The following PRKN variants were observed in gnomAD, a reference collection of about 807,000 sequenced individuals.
PRKN encodes the protein parkin RBR E3 ubiquitin protein ligase.
A neutral mutation model predicts 59.5 loss-of-function variants in PRKN; 56 were observed. The ratio of observed to expected loss-of-function variants is 0.94; its 90% confidence interval spans 0.76 to 1.18. The LOEUF (loss-of-function observed/expected upper bound fraction) is 1.18, where lower values mean the gene tolerates loss of function less well. PRKN is among the 50% of genes most tolerant of loss of function. The pLI is 0.00. For synonymous variants in PRKN, 250 were observed against 222.1 expected, an observed-to-expected ratio of 1.13 and a Z score of -1.12; for missense variants, 657 against 596.4, an observed-to-expected ratio of 1.10 and a Z score of -1.06.
At chr6:162,619,816 T>C (rs1782586729) in intron 1 of PRKN, among the ~76,000 whole-genome samples, 1 of 152,182 alleles carries the variant, frequency 6.6e-6, no homozygotes, top group South Asian at 2.1e-4. Flanking sequence ...CTTTTTTCAC[T>C]AAGCAATGTA....
chr6:162,380,658 A>T (rs1024280483), intron 2 of PRKN, among the ~76,000 whole-genome samples: 1 of 151,532 alleles, frequency 6.6e-6, no homozygotes, highest in African/African-American at 2.4e-5. Flanking sequence ...ACTCATTCAG[A>T]TTCTATCATT....
At chr6:161,718,313 A>T (rs543465670) in intron 7 of PRKN, among the ~76,000 whole-genome samples, 21 of 152,256 alleles carry the variant, frequency 1.4e-4, no homozygotes, top group Non-Finnish European at 2.1e-4. Flanking sequence ...CTGCAGGAAG[A>T]CTGAGATGGG....
At chr6:161,716,659 G>A (rs896070861) in intron 7 of PRKN, among the ~76,000 whole-genome samples, 6 of 152,228 alleles carry the variant, frequency 3.9e-5, no homozygotes, top group African/African-American at 1.4e-4. Flanking sequence ...TATTTTCACT[G>A]AGGTTGGGCA....
chr6:162,091,864 C>T (rs945738489), intron 4 of PRKN, among the ~76,000 whole-genome samples: 2 of 151,702 alleles, frequency 1.3e-5, no homozygotes, highest in African/African-American at 4.8e-5. Flanking sequence ...AAGTGAGAGC[C>T]GATTCTACAA....
chr6:162,332,596 C>T (rs560460655), intron 2 of PRKN, among the ~76,000 whole-genome samples: 10 of 152,126 alleles, frequency 6.6e-5, no homozygotes, highest in African/African-American at 2.4e-4. Flanking sequence ...TACTTTATAT[C>T]CATCTGTTGG....
chr6:162,671,497 C>CAAA (rs5881490), intron 1 of PRKN, among the ~76,000 whole-genome samples: 2 of 111,666 alleles, frequency 1.8e-5, no homozygotes, highest in African/African-American at 6.7e-5. Context: ...GACTCTGTCT[C>CAAA]AAAAAAAAAA....
chr6:161,691,683 C>A (rs1177056323), intron 7 of PRKN, among the ~76,000 whole-genome samples: 1 of 151,952 alleles, frequency 6.6e-6, no homozygotes, highest in African/African-American at 2.4e-5. Context: ...GTAAGATCAC[C>A]AACAAAAAGC....
chr6:161,887,720 G>A (rs943951967), intron 6 of PRKN, among the ~76,000 whole-genome samples: 7 of 152,148 alleles, frequency 4.6e-5, no homozygotes, highest in African/African-American at 9.7e-5. Context: ...AGTGCTACTT[G>A]GACTTGTGTA....
chr6:162,140,497 A>C (rs913478436), intron 4 of PRKN, among the ~76,000 whole-genome samples: 1 of 152,062 alleles, frequency 6.6e-6, no homozygotes, highest in Non-Finnish European at 1.5e-5. Flanking sequence ...TGAGGGAGAG[A>C]ATGTGTGTGT....
chr6:161,766,424 C>T (rs1478381977), intron 7 of PRKN, among the ~76,000 whole-genome samples: 1 of 151,352 alleles, frequency 6.6e-6, no homozygotes, highest in East Asian at 1.9e-4. Flanking sequence ...TCTTCTGCCT[C>T]AGCCTCCTGA....
chr6:161,478,984 T>C (rs1208929229), intron 9 of PRKN, among the ~76,000 whole-genome samples: 2 of 152,174 alleles, frequency 1.3e-5, no homozygotes, highest in East Asian at 1.9e-4. Flanking sequence ...TAAAATGAAA[T>C]ACTATAGAAC....
rs1715230855 is a variant in PRKN, at chr6:161,592,673, G to C, written c.872-23257C>G. 6.6e-6 allele frequency among the ~76,000 whole-genome samples: 1 copy of C among 152,098 alleles called. No individual in the cohort carries two copies. The highest frequency in any genetic ancestry group is 2.1e-4 in the South Asian group (1 of 4,828). On this transcript the variant is annotated intron_variant, in intron 7 of 11. Transcript: ENST00000366898. This position sits in a 1 kb window ranked among gnomAD's most constrained non-coding sequence, Gnocchi z 4.8. ...AGATGAAGCAGGGAAACTGTTGGAGGGAGAGGGAGGATCTGGAACATCAGC... is the reference window on the plus strand; with the variant it reads ...AGATGAAGCAGGGAAACTGTTGGAGCGAGAGGGAGGATCTGGAACATCAGC...
intron 2 of PRKN, among the ~76,000 whole-genome samples, chr6:162,396,112 A>T (rs1333757196): frequency 5.3e-5 from 8 of 151,628 alleles, no homozygotes; most frequent in African/African-American, 1.9e-4. Flanking sequence ...CTGAGTTAAG[A>T]GTTACTATTG....
At chr6:162,446,717 T>A (rs910639418) in intron 1 of PRKN, among the ~76,000 whole-genome samples, 1 of 152,230 alleles carries the variant, frequency 6.6e-6, no homozygotes, top group African/African-American at 2.4e-5. Context: ...ACTGAGTTCA[T>A]AATCAAGTGC....
At chr6:162,576,230 A>C (rs1173084514) in intron 1 of PRKN, among the ~76,000 whole-genome samples, 1 of 152,128 alleles carries the variant, frequency 6.6e-6, no homozygotes, top group Non-Finnish European at 1.5e-5. Flanking sequence ...CCCTCTGCTG[A>C]CTCAGTCTTA....
intron 1 of PRKN, among the ~76,000 whole-genome samples, chr6:162,656,056 T>C (rs1395215583): frequency 6.6e-6 from 1 of 152,146 alleles, no homozygotes; most frequent in Non-Finnish European, 1.5e-5. Context: ...AATATCAATC[T>C]ATATGATTCT....
chr6:162,062,857 T>C (rs911524249), intron 4 of PRKN, among the ~76,000 whole-genome samples: 1 of 152,256 alleles, frequency 6.6e-6, no homozygotes, highest in East Asian at 1.9e-4. Flanking sequence ...ACTCCTCAAA[T>C]TGTACCCTTC....
At chr6:161,680,889 GT>G (rs1785336334) in intron 7 of PRKN, among the ~76,000 whole-genome samples, 1 of 150,424 alleles carries the variant, frequency 6.6e-6, no homozygotes, top group African/African-American at 2.5e-5. Flanking sequence ...AAGTCACAAA[GT>G]GGAAAAAGGG....
rs1554301288 is a variant in PRKN at position 161,757,833 on chromosome 6, A to ATCTCTCTCCCTCTCTCTCTCTCTCTC, written c.871+27938_871+27939insGAGAGAGAGAGAGAGAGGGAGAGAGA. 8.5e-4 allele frequency among the ~76,000 whole-genome samples: 32 copies of ATCTCTCTCCCTCTCTCTCTCTCTCTC among 37,642 alleles called. 1 individual carries two copies. The highest frequency in any genetic ancestry group is 2.1e-3 in the African/African-American group (25 of 12,090). 24.7% of individuals were successfully genotyped at this position (37,642 alleles called of 152,430 possible). A position where few individuals can be genotyped will look rare whatever the true frequency, so the allele number is the denominator to read the frequency against. ...AGCCTGGGCAATAGAGCAAAACTCC[A>ATCTCTCTCCCTCTCTCTCTCTCTCTC]TCTCTCTCTCTCTCTCTCTCTCTCT... On this transcript the variant is annotated intron_variant, in intron 7 of 11. Transcript: ENST00000366898.
Sources: allele counts gnomAD v4.1 joint callset (sites outside exome capture counted in the v4.1 genomes callset), GRCh38; gene constraint gnomAD v4.1.1; non-coding constraint Gnocchi (gnomAD v3.1); transcripts MANE v1.5; gene names NCBI Gene and HGNC (gene_info 2026-07-23, HGNC 2026-07-21).